The following DENND2B variants were observed in gnomAD, a reference collection of about 807,000 sequenced individuals.
DENND2B encodes DENN domain-containing protein 2B.
Under a neutral mutation model 116.0 loss-of-function variants are expected in DENND2B, and 32 were observed. The ratio of observed to expected loss-of-function variants is 0.28; its 90% confidence interval spans 0.21 to 0.37. The LOEUF is 0.37. DENND2B is among the 10% of genes least tolerant of loss of function. DENND2B has a pLI of 1.00. For synonymous variants in DENND2B, 588 were observed against 583.9 expected (o/e 1.01, Z -0.10); for missense variants, 1,276 against 1,477.7 (o/e 0.86, Z 2.24).
chr11:8,730,221 T>G lies in DENND2B; in HGVS notation c.1069A>C (p.Ser357Arg). 2 of 1,613,142 alleles carry G rather than the reference T, an allele frequency of 1.2e-6. No homozygotes were observed. The highest frequency in any genetic ancestry group is 2.2e-5 in the East Asian group (1 of 44,878). ...GGGGTCCCGGGCTTAGTGGAACCAC[T>G]GCCTTCCCTCTCTGGGGGTGGGCCC... ...EAGPPPEREG[S>R]GSTKPGTPGN... is the part of the protein sequence containing the mutation. Residue 357 changes from serine (S) to arginine (R), a missense_variant, in exon 3 of 20, where the codon AGT (serine) becomes CGT (arginine). This residue lies in a region of DENND2B where 856 missense variants were observed against 846.6 expected (regional missense o/e 1.01). Coordinates refer to ENST00000313726, the MANE Select transcript of DENND2B (RefSeq NM_213618.2). This position sits in a 1 kb window ranked among gnomAD's most constrained non-coding sequence, Gnocchi z 4.1.
At chr11:8,778,583 C>T (rs746447880) in intron 1 of DENND2B, among the ~76,000 whole-genome samples, 1 of 152,256 alleles carries the variant, frequency 6.6e-6, no homozygotes, top group Non-Finnish European at 1.5e-5. Flanking sequence ...CTGCTCCCCG[C>T]CTGCTTCCAG....
At chr11:8,756,473 C>T (rs1239364576) in intron 1 of DENND2B, among the ~76,000 whole-genome samples, 1 of 152,212 alleles carries the variant, frequency 6.6e-6, no homozygotes, top group Non-Finnish European at 1.5e-5. Context: ...AGCTGCCATT[C>T]TCAGAAGTGG....
At chr11:8,777,021 T>G (rs1456388386) in intron 1 of DENND2B, among the ~76,000 whole-genome samples, 2 of 152,206 alleles carry the variant, frequency 1.3e-5, no homozygotes, top group African/African-American at 4.8e-5. Context: ...TTAAGAAAGC[T>G]TATGAGAGAG....
intron 16 of DENND2B, chr11:8,697,883 C>T: frequency 3.7e-6 from 2 of 540,344 alleles, no homozygotes; most frequent in Non-Finnish European, 6.8e-6. Flanking sequence ...AATCCCAACA[C>T]TTTGGAAGGC....
chr11:8,873,959 T>C (rs2063818074), upstream of DENND2B, among the ~76,000 whole-genome samples: 1 of 152,224 alleles, frequency 6.6e-6, no homozygotes. Context: ...GTGCAGAGAC[T>C]GCTGAAAATA....
intron 2 of DENND2B, among the ~76,000 whole-genome samples, chr11:8,736,799 A>G (rs1158455238): frequency 6.6e-6 from 1 of 152,110 alleles, no homozygotes; most frequent in Non-Finnish European, 1.5e-5. Context: ...AGACACCAGA[A>G]GCCACATTAT....
At chr11:8,828,763 G>A (rs1389288704) in intron 4 of DENND2B, among the ~76,000 whole-genome samples, 2 of 152,174 alleles carry the variant, frequency 1.3e-5, no homozygotes, top group African/African-American at 4.8e-5. Flanking sequence ...AAGATTCCAC[G>A]CTGCTTTGCT....
intron 1 of DENND2B, among the ~76,000 whole-genome samples, chr11:8,805,856 C>T (rs1241319215): frequency 2.0e-5 from 3 of 152,140 alleles, no homozygotes; most frequent in Non-Finnish European, 2.9e-5. Context: ...CCAGACACTC[C>T]GTATTCACTG....
At chr11:8,831,966 T>C (rs550009032) in intron 4 of DENND2B, 1 of 152,084 alleles carries the variant, frequency 6.6e-6, no homozygotes, top group Non-Finnish European at 1.5e-5. Context: ...GACGTCCAGT[T>C]ATACCAAGAC....
chr11:8,696,554 A>G lies in DENND2B; in HGVS notation c.3165T>C (p.Phe1055=). The G allele has an allele frequency of 6.2e-7, 1 of 1,614,212 alleles. No homozygotes were observed. The change falls in exon 18 of 20, where the codon TTT becomes TTC. Residue 1055 remains phenylalanine, a synonymous_variant. Coordinates refer to ENST00000313726, the MANE Select transcript of DENND2B (RefSeq NM_213618.2). ...CAGATTTGCGGAAGGCCTCTCGCTG[A>G]AAGGCCCTCTCTCCCTTCTCACTCT... The part of the protein sequence containing the change: ...LTQSEKGERA[F]QREAFRKSVA...
intron 3 of DENND2B, among the ~76,000 whole-genome samples, chr11:8,846,009 C>T (rs1317388347): frequency 4.6e-5 from 7 of 152,188 alleles, no homozygotes; most frequent in African/African-American, 7.2e-5. Flanking sequence ...TTTATTCCCA[C>T]AGCCTCAGCT....
At chr11:8,746,886 C>T (rs765558097) in intron 2 of DENND2B, among the ~76,000 whole-genome samples, 1 of 152,130 alleles carries the variant, frequency 6.6e-6, no homozygotes, top group African/African-American at 2.4e-5. Context: ...CCTCTTCCTA[C>T]TAGTTTTGTA....
intron 3 of DENND2B, among the ~76,000 whole-genome samples, chr11:8,854,332 GC>G (rs2063121302): frequency 6.6e-6 from 1 of 151,932 alleles, no homozygotes; most frequent in African/African-American, 2.4e-5. Flanking sequence ...CTCCCAAGTA[GC>G]TGAGATTACA....
At position 8,715,879 on chromosome 11, in the gene DENND2B, T is replaced by C; in HGVS notation, c.1630-61A>G. ...CCACAGAGGCCTTGGCCAGTGTCTG[T>C]CTGCTGGGATGGGGACACAGAGGCC... On this transcript the variant is annotated intron_variant, in intron 5 of 19. Coordinates refer to ENST00000313726, the MANE Select transcript of DENND2B (RefSeq NM_213618.2). The C allele has an allele frequency of 3.4e-6, 5 of 1,482,964 alleles. No individual in the cohort carries two copies. The South Asian group carries it at 6.4e-5, about 19-fold the overall frequency. 91.9% of individuals were successfully genotyped at this position (1,482,964 alleles called of 1,614,324 possible).
intron 1 of DENND2B, among the ~76,000 whole-genome samples, chr11:8,909,005 T>C (rs1043138707): frequency 2.6e-5 from 4 of 152,140 alleles, no homozygotes; most frequent in African/African-American, 4.8e-5. Flanking sequence ...TTTTTAGTCC[T>C]TACTGTGACA....
chr11:8,899,033 CAA>C (rs1364555157), intron 1 of DENND2B, among the ~76,000 whole-genome samples: 2 of 151,896 alleles, frequency 1.3e-5, no homozygotes, highest in Non-Finnish European at 2.9e-5. Flanking sequence ...TAAAACAAAA[CAA>C]ATTATGGAGT....
chr11:8,804,631 G>A (rs529660356), intron 1 of DENND2B, among the ~76,000 whole-genome samples: 248 of 140,862 alleles, frequency 1.8e-3, no homozygotes, highest in African/African-American at 2.6e-3. Flanking sequence ...TGCAACCTCC[G>A]CCTCCCAGGT....
At chr11:8,761,666 A>ACCT (rs2054661774) in intron 1 of DENND2B, among the ~76,000 whole-genome samples, 1 of 152,056 alleles carries the variant, frequency 6.6e-6, no homozygotes, top group Non-Finnish European at 1.5e-5. Flanking sequence ...CTAAGTCCTG[A>ACCT]CCTCCTTCTC....
At chr11:8,697,788 C>G (rs2040642681) in intron 16 of DENND2B, 152 bp from the exon 17 acceptor site, 1 of 643,538 alleles carries the variant, frequency 1.6e-6, no homozygotes, top group African/African-American at 1.8e-5. Context: ...AGATGAGGAA[C>G]TGAAGCACAG....
Sources: allele counts gnomAD v4.1 joint callset (sites outside exome capture counted in the v4.1 genomes callset), GRCh38; gene constraint gnomAD v4.1.1; regional missense constraint gnomAD v4.1.1; non-coding constraint Gnocchi (gnomAD v3.1); transcripts MANE v1.5; gene names NCBI Gene and HGNC (gene_info 2026-07-23, HGNC 2026-07-21).